Variants in BTAF1 observed in about 807,000 individuals in gnomAD.
BTAF1 encodes TATA-binding protein-associated factor 172.
Under a neutral mutation model 227.1 loss-of-function variants are expected in BTAF1, and 38 were observed. The ratio of observed to expected loss-of-function variants is 0.17; its 90% CI spans 0.13 to 0.22. The LOEUF is 0.22. Among genes scored for constraint, BTAF1 ranks in the 10% least tolerant of loss-of-function variants. BTAF1 has a pLI of 1.00. For synonymous variants in BTAF1, 742 were observed against 751.9 expected, an observed-to-expected ratio of 0.99 and a Z score of 0.21; for missense variants, 1,598 against 2,204.0, an observed-to-expected ratio of 0.73 and a Z score of 5.51.
At chr10:92,013,636 T>C (rs1226646510) in intron 30 of BTAF1, 31 bp from the exon 31 acceptor site, 6 of 1,613,702 alleles carry the variant, frequency 3.7e-6, no homozygotes, top group African/African-American at 1.3e-5. Flanking sequence ...ATAATCCCAG[T>C]ACAAAAGATA....
At chr10:92,027,027 T>C (rs1851560573) in intron 36 of BTAF1, 103 bp from the exon 37 acceptor site, 16 of 1,228,682 alleles carry the variant, frequency 1.3e-5, no homozygotes, top group Non-Finnish European at 1.8e-5. Flanking sequence ...AATCCAACCC[T>C]AATTAGGTAG....
chr10:92,027,651 A>C (rs1462461331), intron 37 of BTAF1, among the ~76,000 whole-genome samples: 1 of 152,142 alleles, frequency 6.6e-6, no homozygotes, highest in African/African-American at 2.4e-5. Flanking sequence ...CTGAGCTTCT[A>C]TACCTATTTT....
At chr10:91,978,111 A>G (rs930309940) in intron 14 of BTAF1, among the ~76,000 whole-genome samples, 3 of 152,228 alleles carry the variant, frequency 2.0e-5, no homozygotes, top group African/African-American at 7.2e-5. Flanking sequence ...ATCCACAATT[A>G]CAGTATCACA....
chr10:91,964,237 T>A, intron 13 of BTAF1, 36 bp downstream of exon 13: 1 of 1,593,424 alleles, frequency 6.3e-7, no homozygotes, highest in African/African-American at 1.3e-5. Context: ...AAGTAAAAAG[T>A]CTTTACATAC....
intron 25 of BTAF1, among the ~76,000 whole-genome samples, chr10:92,003,970 A>G (rs762271348): frequency 4.6e-5 from 7 of 151,872 alleles, no homozygotes; most frequent in Non-Finnish European, 1.0e-4. Context: ...TACCAGTTTT[A>G]ATTTGTGTTT....
chr10:91,975,878 A>G (rs1341116059), intron 14 of BTAF1, among the ~76,000 whole-genome samples: 1 of 152,196 alleles, frequency 6.6e-6, no homozygotes, highest in Non-Finnish European at 1.5e-5. Context: ...TCCTGACACC[A>G]AACGTGTGGG....
chr10:91,981,782 C>G lies in BTAF1; in HGVS notation c.1895C>G (p.Ala632Gly). 1 of 1,612,920 alleles carries G rather than the reference C, an allele frequency of 6.2e-7. No homozygotes were observed. Among genetic ancestry groups the G allele is most frequent in the Non-Finnish European group, 8.5e-7 (1 of 1,179,468 alleles). The change falls in exon 16 of 38, where the codon GCT becomes GGT. Residue 632 changes from alanine (A) to glycine (G), a missense_variant. Around this residue, in one of 10 missense-constraint regions of BTAF1, gnomAD observed 318 missense variants for 435.0 expected, o/e 0.73. Transcript: ENST00000265990. ...TTAAATATGTTGCTAGAAGTAAAAG[C>G]TAGAGCCAAGGTAAGTGTAGAGGGA... ...IDLNMLLEVK[A>G]RAKEKTGGKV...
intron 25 of BTAF1, among the ~76,000 whole-genome samples, chr10:92,006,476 T>G (rs1284541884): frequency 1.3e-5 from 2 of 152,254 alleles, no homozygotes; most frequent in Non-Finnish European, 2.9e-5. Flanking sequence ...TGTCTTATAC[T>G]TTTGAATGGA....
At chr10:91,964,831 G>C (rs11817266) in intron 13 of BTAF1, among the ~76,000 whole-genome samples, 21,199 of 152,102 alleles carry the variant, frequency 0.14, 1,597 homozygotes, top group Middle Eastern at 0.2. Flanking sequence ...AATATTGTTA[G>C]AGATAAGTGT....
intron 23 of BTAF1, 46 bp from the exon 24 acceptor site, chr10:91,996,323 C>G (rs1338314922): frequency 2.0e-6 from 3 of 1,536,156 alleles, no homozygotes; most frequent in Non-Finnish European, 2.7e-6. Flanking sequence ...ACATATTAAA[C>G]AGTATTTCCT....
rs369430455 is a variant in BTAF1, at chr10:92,009,050, A to G, written c.3945A>G (p.Glu1315=). Residue 1315 remains glutamate, a synonymous_variant, in exon 28 of 38, where the codon GAA becomes GAG. Transcript: ENST00000265990. ...TTTTGCTATTGTAAAGGGCCCAGGAATATGCAAGATCAAAATTAGCAGAAT... is the reference window on the plus strand; with the variant it reads ...TTTTGCTATTGTAAAGGGCCCAGGAGTATGCAAGATCAAAATTAGCAGAAT... ...LAGDHCHRAQ[E]YARSKLAECM... 2 of 1,613,980 alleles carry G rather than the reference A, an allele frequency of 1.2e-6. No individual in the cohort carries two copies. Among genetic ancestry groups the G allele is most frequent in the African/African-American group, 2.7e-5 (2 of 74,916 alleles).
chr10:91,991,259 A>AATATAAAT (rs1848712863), intron 20 of BTAF1, among the ~76,000 whole-genome samples: 4 of 63,086 alleles, frequency 6.3e-5, no homozygotes, highest in Non-Finnish European at 1.4e-4. Flanking sequence ...AAAATATATA[A>AATATAAAT]ATATAAATAT....
At position 91,982,345 on chromosome 10, in the gene BTAF1, A is replaced by C. The variant is rs1200493808; in HGVS notation, c.2048+120A>C. On this transcript the variant is annotated intron_variant, in intron 17 of 37. Coordinates refer to ENST00000265990, the MANE Select transcript of BTAF1 (RefSeq NM_003972.3). ...AGTCCTTCCTTCCTTCATCACACTA[A>C]TTATAGCCTAAGGAAAAATTAGAGT... 3.7e-6 allele frequency: 5 copies of C among 1,366,132 alleles called. No individual in the cohort carries two copies. The Admixed American group carries it at 1.2e-4, about 33-fold the overall frequency. 84.6% of individuals were successfully genotyped at this position (1,366,132 alleles called of 1,614,324 possible). A position where few individuals can be genotyped will look rare whatever the true frequency, so the allele number is the denominator to read the frequency against.
At chr10:91,929,783 T>C (rs1218663236) in intron 1 of BTAF1, among the ~76,000 whole-genome samples, 1 of 151,990 alleles carries the variant, frequency 6.6e-6, no homozygotes, top group African/African-American at 2.4e-5. Context: ...CTTAAACTCT[T>C]GCCTCAAGCA....
rs760500442 is a variant in BTAF1 at position 91,989,231 on chromosome 10, A to G, written c.2505A>G (p.Arg835=). The G allele has an allele frequency of 6.2e-7, 1 of 1,614,172 alleles. No individual in the cohort carries two copies. The highest frequency in any genetic ancestry group is 1.1e-5 in the South Asian group (1 of 91,084). The change falls in exon 20 of 38, where the codon CGA becomes CGG. Residue 835 remains arginine (R), a synonymous_variant. Transcript: ENST00000265990. ...TGTTACAACAGTTAGATAGTAAACG[A>G]CAGCAGGTCCAAATGACAGTTACAG... ...PQVLQQLDSK[R]QQVQMTVTET... is the part of the protein sequence containing the mutation.
In BTAF1 at chr10:92,031,308, C is replaced by T. The variant is rs898561105; in HGVS notation, c.*2375C>T. Among the ~76,000 whole-genome samples, 1 of 152,072 alleles carries T rather than the reference C, an allele frequency of 6.6e-6. No individual in the cohort carries two copies. The highest frequency in any genetic ancestry group is 2.4e-5 in the African/African-American group (1 of 41,404). On this transcript the variant is annotated 3_prime_UTR_variant, in exon 38 of 38. Coordinates refer to ENST00000265990, the MANE Select transcript of BTAF1 (RefSeq NM_003972.3). The stretch of plus-strand genomic sequence containing the variant: ...ATGCTTATTTATTCTACAAACATTT[C>T]TCCAAAAAGTATTCTAGTGAAAGGG...
At position 91,968,734 on chromosome 10, in the gene BTAF1, A is replaced by ATT. The variant is rs1337689856; in HGVS notation, c.1650+1978_1650+1979insTT. 2.0e-5 allele frequency among the ~76,000 whole-genome samples: 3 copies of ATT among 152,284 alleles called. No individual in the cohort carries two copies. In the East Asian group the frequency reaches 5.8e-4, roughly 29 times the overall value. On this transcript the variant is annotated intron_variant, in intron 14 of 37. Transcript: ENST00000265990. ...AGTGTTTTGGGTTTTAGCCATTCTT[A>ATT]TAAGTGTGTAGTAGTATTTCATTGT...
chr10:91,956,172 C>T (rs1273070865), intron 6 of BTAF1, among the ~76,000 whole-genome samples: 3 of 151,878 alleles, frequency 2.0e-5, no homozygotes, highest in East Asian at 1.9e-4. Context: ...AGCCTAAAAA[C>T]GTTAATGTTA....
intron 2 of BTAF1, 47 bp from the exon 3 acceptor site, chr10:91,939,905 G>A (rs377198059): frequency 4.5e-5 from 59 of 1,320,724 alleles, no homozygotes; most frequent in African/African-American, 3.2e-4. Context: ...GCTACCTTGC[G>A]CAAACAATAT....
Sources: gnomAD v4.1 joint callset for allele counts (sites outside exome capture counted in the v4.1 genomes callset) on GRCh38, gnomAD v4.1.1 for gene constraint, gnomAD v4.1.1 regional missense constraint, MANE v1.5 for transcripts, NCBI Gene and HGNC (gene_info 2026-07-23, HGNC 2026-07-21) for gene names.